GRIA4: variants seen among roughly 807,000 people sequenced by gnomAD.
The protein encoded by GRIA4 is glutamate receptor 4.
In GRIA4, 34 loss-of-function variants were observed where a neutral mutation model predicts 104.0. That is an observed-to-expected ratio of 0.33 (90% CI 0.25 to 0.44). GRIA4 has a LOEUF of 0.44. GRIA4 is among the 20% of genes least tolerant of loss of function. The probability of loss-of-function intolerance (pLI) is 1.00; values close to 1 mark genes in which losing one functional copy is unlikely to be tolerated. For missense variants in GRIA4, 750 were observed against 1,096.5 expected (o/e 0.68, Z 4.46); for synonymous variants, 386 against 381.9 (o/e 1.01, Z -0.13).
chr11:105,748,019 A>G (rs1939767638), intron 3 of GRIA4, among the ~76,000 whole-genome samples: 1 of 152,320 alleles, frequency 6.6e-6, no homozygotes, highest in East Asian at 1.9e-4. Context: ...AGTACTGTAC[A>G]CATCTATTTT....
intron 4 of GRIA4, among the ~76,000 whole-genome samples, chr11:105,782,818 C>T (rs192562318): frequency 1.6e-4 from 24 of 152,286 alleles, no homozygotes; most frequent in Admixed American, 1.3e-3. Flanking sequence ...ATAAGAAGGT[C>T]AAGGGCTTTG....
Position 105,862,142 on chromosome 11 carries a change from CAGAAGACAAGAGA to C in GRIA4, c.612_624del (p.Arg204SerfsTer3). ...ATAGGCAACTTCTAGAAGAACTTGA[CAGAAGACAAGAGA>C]AGAAGTTTGTAATAGACTGTGAGAT... On this transcript the variant is annotated frameshift_variant, in exon 5 of 17. Coordinates refer to ENST00000282499, the MANE Select transcript of GRIA4 (RefSeq NM_000829.4). LOFTEE classifies it high-confidence loss of function. 6.2e-7 allele frequency: 1 copy of C among 1,607,724 alleles called. No individual in the cohort carries two copies. Among genetic ancestry groups the C allele is most frequent in the Non-Finnish European group, 8.5e-7 (1 of 1,174,292 alleles).
chr11:105,873,441 G>A (rs1945690556), intron 5 of GRIA4, among the ~76,000 whole-genome samples: 1 of 152,128 alleles, frequency 6.6e-6, no homozygotes, highest in South Asian at 2.1e-4. Flanking sequence ...TATATACCCA[G>A]TAATGGGATT....
chr11:105,852,829 T>G (rs1944864393), intron 4 of GRIA4, among the ~76,000 whole-genome samples: 1 of 149,814 alleles, frequency 6.7e-6, no homozygotes, highest in African/African-American at 2.4e-5. Flanking sequence ...ACCAGAATCA[T>G]CACAAGAAAA....
intron 14 of GRIA4, among the ~76,000 whole-genome samples, chr11:105,945,936 G>C (rs1402492894): frequency 6.6e-6 from 1 of 151,738 alleles, no homozygotes; most frequent in Non-Finnish European, 1.5e-5. Context: ...ATATCATTAA[G>C]AAAAAAATAA....
At chr11:105,654,314 G>T (rs964124767) in intron 3 of GRIA4, among the ~76,000 whole-genome samples, 21 of 150,600 alleles carry the variant, frequency 1.4e-4, no homozygotes, top group Admixed American at 1.3e-3. Flanking sequence ...AGTTAATGAC[G>T]ATGTATTGTA....
chr11:105,977,601 T>C (rs1276124661), intron 16 of GRIA4, among the ~76,000 whole-genome samples: 1 of 152,010 alleles, frequency 6.6e-6, no homozygotes, highest in Non-Finnish European at 1.5e-5. Flanking sequence ...ACCCCCAAAA[T>C]GTCCATCTAA....
intron 11 of GRIA4, 106 bp downstream of exon 11, chr11:105,919,024 A>T (rs674307): frequency 0.17 from 119,542 of 695,158 alleles, 11,021 homozygotes; most frequent in Admixed American, 0.26. Context: ...AATTTGCAGC[A>T]ACATTCCAAG....
At chr11:105,903,147 C>T (rs1946919359) in intron 7 of GRIA4, among the ~76,000 whole-genome samples, 1 of 152,098 alleles carries the variant, frequency 6.6e-6, no homozygotes, top group Admixed American at 6.5e-5. Context: ...AAACTTTGAC[C>T]CTAGGTTAAC....
chr11:105,785,659 A>C (rs1488901939), intron 4 of GRIA4, among the ~76,000 whole-genome samples: 1 of 152,190 alleles, frequency 6.6e-6, no homozygotes, highest in African/African-American at 2.4e-5. Flanking sequence ...TTATATGAAC[A>C]TTAAAAGTTA....
intron 3 of GRIA4, among the ~76,000 whole-genome samples, chr11:105,648,979 A>T (rs72991758): frequency 0.082 from 12,424 of 152,288 alleles, 693 homozygotes; most frequent in Admixed American, 0.19. Context: ...AGCTGGGGCC[A>T]TCTGGGTCCA....
chr11:105,741,386 A>C (rs1352659683), intron 3 of GRIA4, among the ~76,000 whole-genome samples: 1 of 152,218 alleles, frequency 6.6e-6, no homozygotes, highest in Non-Finnish European at 1.5e-5. Flanking sequence ...TGAAAATATT[A>C]ACCATGGGAG....
At chr11:105,922,106 T>G in intron 11 of GRIA4, among the ~76,000 whole-genome samples, 1 of 152,088 alleles carries the variant, frequency 6.6e-6, no homozygotes, top group East Asian at 1.9e-4. Context: ...AGTGAATATT[T>G]TAAATACATT....
At chr11:105,761,581 C>T (rs1212175599) in intron 4 of GRIA4, among the ~76,000 whole-genome samples, 1 of 152,128 alleles carries the variant, frequency 6.6e-6, no homozygotes, top group African/African-American at 2.4e-5. Context: ...CAACTCAACT[C>T]AACTCCAATG....
rs564499385 is a variant in GRIA4, at chr11:105,969,234, G to A, written c.2295-2680G>A. ...CTCTATCACAGCCATGACAACCAAT[G>A]CAAGAATAAAGGAATTAGTACAGAA... is the stretch of plus-strand genomic sequence containing the variant. On this transcript the variant is annotated intron_variant, in intron 14 of 16. Transcript: ENST00000282499. Among the ~76,000 whole-genome samples the A allele has an allele frequency of 5.3e-5, 8 of 152,112 alleles. No homozygotes were observed. In the East Asian group the frequency reaches 1.5e-3, roughly 29 times the overall value.
At chr11:105,911,382 G>A (rs1029819606) in intron 10 of GRIA4, among the ~76,000 whole-genome samples, 1 of 151,912 alleles carries the variant, frequency 6.6e-6, no homozygotes, top group Non-Finnish European at 1.5e-5. Context: ...TCAACAATCG[G>A]TGACCTTTTC....
At chr11:105,863,654 T>C (rs891842653) in intron 5 of GRIA4, among the ~76,000 whole-genome samples, 1 of 152,142 alleles carries the variant, frequency 6.6e-6, no homozygotes, top group East Asian at 1.9e-4. Flanking sequence ...GTTTGAGTTG[T>C]TTGACCTGAA....
At chr11:105,972,661 G>A (rs912195509) in intron 15 of GRIA4, among the ~76,000 whole-genome samples, 1 of 151,872 alleles carries the variant, frequency 6.6e-6, no homozygotes, top group African/African-American at 2.4e-5. Flanking sequence ...TTTAAACAAT[G>A]CAGGAAAAAA....
chr11:105,785,779 T>C (rs1469593286), intron 4 of GRIA4, among the ~76,000 whole-genome samples: 1 of 152,166 alleles, frequency 6.6e-6, no homozygotes, highest in Non-Finnish European at 1.5e-5. Context: ...GGTGGCAAAC[T>C]CTTGGTTTAA....
Sources: gnomAD v4.1 joint callset for allele counts (sites outside exome capture counted in the v4.1 genomes callset) on GRCh38, gnomAD v4.1.1 for gene constraint, MANE v1.5 for transcripts, NCBI Gene and HGNC (gene_info 2026-07-23, HGNC 2026-07-21) for gene names.